Variants in DOCK2 observed in about 807,000 individuals in gnomAD.
The protein encoded by DOCK2 is dedicator of cytokinesis 2.
Under a neutral mutation model 248.9 loss-of-function variants are expected in DOCK2, and 87 were observed. The observed-to-expected ratio is 0.35, with a 90% CI of 0.29 to 0.42. The LOEUF is 0.42. Among genes scored for constraint, DOCK2 ranks in the 10% least tolerant of loss-of-function variants. DOCK2 has a pLI of 1.00. For synonymous variants in DOCK2, 805 were observed against 821.6 expected (o/e 0.98, Z 0.35); for missense variants, 1,747 against 2,300.2 (o/e 0.76, Z 4.92).
intron 27 of DOCK2, among the ~76,000 whole-genome samples, chr5:169,853,300 C>A (rs1334226898): frequency 1.3e-5 from 2 of 152,130 alleles, no homozygotes; most frequent in Admixed American, 1.3e-4. Context: ...TAATCCACTG[C>A]CCCTGGGAAA....
intron 25 of DOCK2, among the ~76,000 whole-genome samples, chr5:169,773,945 C>A (rs1344856209): frequency 6.6e-6 from 1 of 152,134 alleles, no homozygotes; most frequent in Non-Finnish European, 1.5e-5. Context: ...GTGCCTTTTG[C>A]CCCCTGCCAT....
intron 27 of DOCK2, among the ~76,000 whole-genome samples, chr5:169,946,148 G>A (rs1776439221): frequency 6.6e-6 from 1 of 152,200 alleles, no homozygotes; most frequent in Non-Finnish European, 1.5e-5. Context: ...TGATCTAACA[G>A]TCTCCCTGCC....
intron 44 of DOCK2, among the ~76,000 whole-genome samples, chr5:170,058,896 C>T (rs757328940): frequency 6.6e-6 from 1 of 152,154 alleles, no homozygotes; most frequent in Non-Finnish European, 1.5e-5. Flanking sequence ...TAGGCATGAC[C>T]TAGACCTTGG....
chr5:169,801,153 T>TG (rs1347203025), intron 25 of DOCK2, among the ~76,000 whole-genome samples: 7 of 88,804 alleles, frequency 7.9e-5, no homozygotes, highest in African/African-American at 1.9e-4. Flanking sequence ...TGGGTTTTTT[T>TG]TTTTTTTTTT....
chr5:169,934,741 C>T (rs1309637267), intron 27 of DOCK2: 10 of 455,914 alleles, frequency 2.2e-5, no homozygotes, highest in African/African-American at 4.0e-5. Flanking sequence ...GGGCTGCTCA[C>T]GGGATCAGTG....
chr5:169,870,890 A>C (rs1771923228), intron 27 of DOCK2, among the ~76,000 whole-genome samples: 1 of 144,050 alleles, frequency 6.9e-6, no homozygotes, highest in Admixed American at 7.3e-5. Flanking sequence ...AATACTACAG[A>C]CTGGGTGGCT....
At position 169,793,862 on chromosome 5, in the gene DOCK2, A is replaced by G. The variant is rs536635626; in HGVS notation, c.2555-9196A>G. On this transcript the variant is annotated intron_variant, in intron 25 of 51. Coordinates refer to ENST00000520908, the MANE Select transcript of DOCK2 (RefSeq NM_004946.3). The stretch of plus-strand genomic sequence containing the variant: ...GCCTTTCCATGCCCTTTCCTCTCCA[A>G]GTGTGCCTCCCTGAAATCAGTGCAT... 8.6e-5 allele frequency among the ~76,000 whole-genome samples: 13 copies of G among 152,042 alleles called. 1 individual carries two copies. The South Asian group carries it at 2.7e-3, about 32-fold the overall frequency.
At chr5:169,965,943 G>T (rs548092587) in intron 27 of DOCK2, among the ~76,000 whole-genome samples, 1 of 152,172 alleles carries the variant, frequency 6.6e-6, no homozygotes, top group Admixed American at 6.5e-5. Flanking sequence ...CTGGAAAAAG[G>T]CTTCTCCATG....
intron 22 of DOCK2, among the ~76,000 whole-genome samples, chr5:169,743,793 G>C (rs1236240372): frequency 1.3e-5 from 2 of 149,084 alleles, no homozygotes; most frequent in African/African-American, 2.5e-5. Flanking sequence ...TAAAAAGAAA[G>C]TAAATATTTT....
intron 45 of DOCK2, among the ~76,000 whole-genome samples, chr5:170,067,893 C>A (rs557882881): frequency 8.5e-5 from 13 of 152,292 alleles, no homozygotes; most frequent in Admixed American, 8.5e-4. Context: ...CTTTTCCATA[C>A]CCTGTGCTGG....
intron 44 of DOCK2, among the ~76,000 whole-genome samples, chr5:170,066,184 T>A (rs1283185981): frequency 6.6e-6 from 1 of 152,044 alleles, no homozygotes; most frequent in Non-Finnish European, 1.5e-5. Flanking sequence ...TCTCCTGACC[T>A]CGTGATCTGC....
chr5:169,654,357 T>C (rs755402670), intron 1 of DOCK2, 46 bp from the exon 2 acceptor site: 7 of 1,604,956 alleles, frequency 4.4e-6, no homozygotes, highest in Non-Finnish European at 6.0e-6. Context: ...CAGAGACTAA[T>C]GAGATCTAGA....
chr5:169,992,770 G>A (rs892032480), intron 29 of DOCK2, among the ~76,000 whole-genome samples: 12 of 130,904 alleles, frequency 9.2e-5, no homozygotes, highest in African/African-American at 2.9e-4. Context: ...GCCAATTACT[G>A]TTTTTAAAAA....
At position 169,867,447 on chromosome 5, in the gene DOCK2, A is replaced by ATCTATCTG. The variant is rs1554111015; in HGVS notation, c.2799+26598_2799+26599insATCTGTCT. ...TGTCTGTCTGTCTGTCTATCTATCT[A>ATCTATCTG]TCTGTCTGTCTATCTATTGATCCAT... On this transcript the variant is annotated intron_variant, in intron 27 of 51. Transcript: ENST00000520908. 1.1e-3 allele frequency among the ~76,000 whole-genome samples: 169 copies of ATCTATCTG among 150,960 alleles called. 1 individual carries two copies. Among genetic ancestry groups the ATCTATCTG allele is most frequent in the East Asian group, 6.5e-3 (33 of 5,114 alleles).
chr5:170,061,505 C>T (rs60199554), intron 44 of DOCK2, among the ~76,000 whole-genome samples: 36,907 of 152,162 alleles, frequency 0.24, 5,075 homozygotes, highest in African/African-American at 0.36. Flanking sequence ...TTATCATGAT[C>T]ATTACTTTTA....
At chr5:169,855,558 G>A (rs567107051) in intron 27 of DOCK2, among the ~76,000 whole-genome samples, 2 of 152,282 alleles carry the variant, frequency 1.3e-5, no homozygotes, top group African/African-American at 4.8e-5. Context: ...AAAAACCAGG[G>A]AATGACATTG....
intron 27 of DOCK2, among the ~76,000 whole-genome samples, chr5:169,887,015 A>C (rs1192609142): frequency 6.6e-6 from 1 of 152,240 alleles, no homozygotes; most frequent in South Asian, 2.1e-4. Flanking sequence ...ACTGAGGCAC[A>C]GAAGATGAAT....
At chr5:169,761,693 C>G in intron 25 of DOCK2, 68 bp downstream of exon 25, 1 of 1,415,892 alleles carries the variant, frequency 7.1e-7, no homozygotes, top group Non-Finnish European at 9.9e-7. Context: ...TTTGGGGAAG[C>G]TTGGCAGGAG....
In DOCK2 at chr5:169,702,383, G is replaced by A; in HGVS notation, c.1339G>A (p.Glu447Lys). 6.2e-7 allele frequency: 1 copy of A among 1,614,010 alleles called. No homozygotes were observed. Among genetic ancestry groups the A allele is most frequent in the African/African-American group, 1.3e-5 (1 of 75,054 alleles). ...CAACAAGACCACACAGAGGAATGTGGAAGTCATCATGTGTGTGTGCGCGGA... is the reference window on the plus strand; with the variant it reads ...CAACAAGACCACACAGAGGAATGTGAAAGTCATCATGTGTGTGTGCGCGGA... ...KYNKTTQRNV[E>K]VIMCVCAEDG... Residue 447 changes from glutamate to lysine, a missense_variant, in exon 14 of 52, where the codon GAA becomes AAA. Glu to Lys is a moderately conservative substitution (Grantham distance 56). Around this residue, in one of 4 missense-constraint regions of DOCK2, gnomAD observed 858 missense variants for 1,183.5 expected, o/e 0.72. Coordinates refer to ENST00000520908, the MANE Select transcript of DOCK2 (RefSeq NM_004946.3).
Sources: gnomAD v4.1 joint callset for allele counts (sites outside exome capture counted in the v4.1 genomes callset) on GRCh38, gnomAD v4.1.1 for gene constraint, gnomAD v4.1.1 regional missense constraint, MANE v1.5 for transcripts, NCBI Gene and HGNC (gene_info 2026-07-23, HGNC 2026-07-21) for gene names.